MDGA2: variants seen among roughly 807,000 people sequenced by gnomAD.
MDGA2 encodes the protein MAM domain-containing glycosylphosphatidylinositol anchor protein 2.
In MDGA2, 40 loss-of-function variants were observed where a neutral mutation model predicts 117.8. The ratio of observed to expected loss-of-function variants is 0.34; its 90% confidence interval spans 0.26 to 0.44. The LOEUF is 0.44. MDGA2 is among the 20% of genes least tolerant of loss of function. The pLI, the probability that MDGA2 is intolerant of heterozygous loss-of-function variation, is 1.00. For synonymous variants in MDGA2, 452 were observed against 439.0 expected, an observed-to-expected ratio of 1.03 and a Z score of -0.37; for missense variants, 1,123 against 1,250.6, an observed-to-expected ratio of 0.90 and a Z score of 1.54.
intron 1 of MDGA2, among the ~76,000 whole-genome samples, chr14:47,664,682 C>T (rs1288453157): frequency 2.0e-5 from 3 of 152,214 alleles, no homozygotes; most frequent in Non-Finnish European, 4.4e-5. Context: ...AAAGCACATA[C>T]CTCTCTTTTC....
intron 1 of MDGA2, among the ~76,000 whole-genome samples, chr14:47,411,190 CTTATAA>C (rs1165237175): frequency 1.3e-5 from 2 of 152,022 alleles, no homozygotes; most frequent in East Asian, 1.9e-4. Flanking sequence ...AATTGATCCC[CTTATAA>C]TTATAATAGG....
intron 1 of MDGA2, chr14:47,342,868 G>A (rs2277472): frequency 0.09 from 33,415 of 370,720 alleles, 1,882 homozygotes; most frequent in Non-Finnish European, 0.11. Context: ...ACACTTAAAG[G>A]CTAGGTTCCG....
At chr14:47,606,518 C>T (rs967239597) in intron 1 of MDGA2, among the ~76,000 whole-genome samples, 1 of 152,094 alleles carries the variant, frequency 6.6e-6, no homozygotes, top group Admixed American at 6.6e-5. Context: ...TGCACTTCTC[C>T]ATCAGTAGGG....
intron 8 of MDGA2, among the ~76,000 whole-genome samples, chr14:47,017,842 A>C (rs1888138869): frequency 6.6e-6 from 1 of 152,148 alleles, no homozygotes; most frequent in Admixed American, 6.5e-5. Context: ...AATGAAACTA[A>C]CATGATGTCA....
intron 2 of MDGA2, among the ~76,000 whole-genome samples, chr14:47,272,159 T>G (rs968040515): frequency 6.6e-6 from 1 of 152,134 alleles, no homozygotes; most frequent in African/African-American, 2.4e-5. Context: ...AGGAAACAAC[T>G]AATGAAAGAG....
intron 14 of MDGA2, chr14:46,871,903 T>C: frequency 2.5e-6 from 1 of 400,396 alleles, no homozygotes; most frequent in Non-Finnish European, 5.2e-6. Flanking sequence ...ATCCCAGCAT[T>C]TTGAGAGGCG....
chr14:47,394,025 G>C lies in MDGA2; in HGVS notation c.281-92475C>G, dbSNP rs192762140. ...AATCATGTTCTCCAAATACAAAATT[G>C]CTTGTGAACCTGCATATTCTGGCTC... On this transcript the variant is annotated intron_variant, in intron 1 of 16. Coordinates refer to ENST00000399232, the MANE Select transcript of MDGA2 (RefSeq NM_001113498.3). 2.1e-4 allele frequency among the ~76,000 whole-genome samples: 32 copies of C among 152,172 alleles called. No homozygotes were observed. The South Asian group carries it at 6.2e-3, about 30-fold the overall frequency.
At chr14:46,850,146 C>T (rs1048471804) in intron 15 of MDGA2, among the ~76,000 whole-genome samples, 11 of 151,766 alleles carry the variant, frequency 7.2e-5, no homozygotes, top group Non-Finnish European at 1.3e-4. Context: ...TAAATTCAAA[C>T]GGGAATTCTA....
chr14:47,114,434 A>G (rs1881211072), intron 5 of MDGA2, among the ~76,000 whole-genome samples: 1 of 152,098 alleles, frequency 6.6e-6, no homozygotes, highest in African/African-American at 2.4e-5. Context: ...CTAAATTTAT[A>G]TGGAACCCAA....
chr14:46,946,731 A>G (rs968051427), intron 9 of MDGA2, among the ~76,000 whole-genome samples: 1 of 152,132 alleles, frequency 6.6e-6, no homozygotes, highest in Non-Finnish European at 1.5e-5. Flanking sequence ...TACCAAGACC[A>G]GAGAAGAGGA....
chr14:47,605,827 T>A (rs1040356085), intron 1 of MDGA2, among the ~76,000 whole-genome samples: 3 of 152,150 alleles, frequency 2.0e-5, no homozygotes, highest in Non-Finnish European at 2.9e-5. Context: ...TTTCATAATG[T>A]AATGCCCCCA....
intron 5 of MDGA2, among the ~76,000 whole-genome samples, chr14:47,098,685 T>C (rs1385935669): frequency 8.6e-5 from 13 of 151,886 alleles, no homozygotes; most frequent in African/African-American, 3.1e-4. Context: ...AATAGCATAA[T>C]CATACACAAG....
At chr14:47,265,395 T>C (rs1351388288) in intron 2 of MDGA2, among the ~76,000 whole-genome samples, 2 of 152,164 alleles carry the variant, frequency 1.3e-5, no homozygotes, top group Non-Finnish European at 2.9e-5. Flanking sequence ...TCACTCCCTA[T>C]GTTATAAAGT....
chr14:47,308,796 C>T (rs1281134451), intron 1 of MDGA2, among the ~76,000 whole-genome samples: 1 of 152,046 alleles, frequency 6.6e-6, no homozygotes, highest in Non-Finnish European at 1.5e-5. Context: ...TGTGCTTTGC[C>T]CTCCTCTGTC....
chr14:46,981,018 A>C (rs1335958445), intron 8 of MDGA2, among the ~76,000 whole-genome samples: 1 of 152,150 alleles, frequency 6.6e-6, no homozygotes, highest in African/African-American at 2.4e-5. Flanking sequence ...TTTGACTTTA[A>C]AAAGCCTTTA....
intron 10 of MDGA2, among the ~76,000 whole-genome samples, chr14:46,895,353 T>C (rs987275911): frequency 3.3e-5 from 5 of 152,190 alleles, no homozygotes; most frequent in African/African-American, 1.2e-4. Context: ...TATTTCTTCA[T>C]AGAAGCATGA....
intron 3 of MDGA2, among the ~76,000 whole-genome samples, chr14:47,176,673 T>C (rs140612854): frequency 0.027 from 4,042 of 152,146 alleles, 178 homozygotes; most frequent in African/African-American, 0.091. Flanking sequence ...AAGACTTAAA[T>C]GTTAGACCTA....
At chr14:47,255,591 A>T (rs1594755964) in intron 2 of MDGA2, among the ~76,000 whole-genome samples, 2 of 152,150 alleles carry the variant, frequency 1.3e-5, no homozygotes, top group East Asian at 1.9e-4. Flanking sequence ...TTTAATCCTC[A>T]TTTTCTTTTC....
At chr14:47,635,734 T>C (rs1273257374) in intron 1 of MDGA2, among the ~76,000 whole-genome samples, 3 of 152,142 alleles carry the variant, frequency 2.0e-5, no homozygotes, top group Admixed American at 6.5e-5. Context: ...AAATCAGAAG[T>C]GTGAATGTTT....
Sources: allele counts gnomAD v4.1 joint callset (sites outside exome capture counted in the v4.1 genomes callset), GRCh38; gene constraint gnomAD v4.1.1; transcripts MANE v1.5; gene names NCBI Gene and HGNC (gene_info 2026-07-23, HGNC 2026-07-21).